LINGO2: variants seen among roughly 807,000 people sequenced by gnomAD.
LINGO2 encodes the protein leucine rich repeat and Ig domain containing 2.
A neutral mutation model predicts 30.6 loss-of-function variants in LINGO2; 14 were observed. The observed-to-expected ratio is 0.46, with a 90% CI of 0.30 to 0.72. The LOEUF is 0.72. Among genes scored for constraint, LINGO2 ranks in the 30% least tolerant of loss-of-function variants. The probability of loss-of-function intolerance (pLI) is 0.07; values close to 1 mark genes in which losing one functional copy is unlikely to be tolerated. For missense variants in LINGO2, 729 were observed against 751.7 expected, an observed-to-expected ratio of 0.97 and a Z score of 0.35; for synonymous variants, 317 against 288.5, an observed-to-expected ratio of 1.10 and a Z score of -1.00.
chr9:28,328,883 T>C (rs1396537115), intron 3 of LINGO2, among the ~76,000 whole-genome samples: 3 of 152,182 alleles, frequency 2.0e-5, no homozygotes, highest in Admixed American at 6.5e-5. Flanking sequence ...AGATTTATTG[T>C]TGAAAGACAA....
At chr9:28,609,559 A>G (rs1825828421) in intron 1 of LINGO2, among the ~76,000 whole-genome samples, 1 of 152,066 alleles carries the variant, frequency 6.6e-6, no homozygotes. Context: ...ATGCAATGCT[A>G]TCTTCACATA....
intron 4 of LINGO2, among the ~76,000 whole-genome samples, chr9:28,050,369 G>T (rs1050682480): frequency 1.2e-4 from 18 of 150,644 alleles, no homozygotes; most frequent in African/African-American, 4.4e-4. Flanking sequence ...AGTCTTGACA[G>T]CAAAATATTT....
chr9:28,146,783 C>G (rs1272560692), intron 4 of LINGO2, among the ~76,000 whole-genome samples: 1 of 152,132 alleles, frequency 6.6e-6, no homozygotes, highest in Non-Finnish European at 1.5e-5. Flanking sequence ...CTCACAATGA[C>G]CAAATTATGT....
intron 5 of LINGO2, among the ~76,000 whole-genome samples, chr9:27,987,918 T>C (rs1821201724): frequency 6.6e-6 from 1 of 152,072 alleles, no homozygotes; most frequent in African/African-American, 2.4e-5. Context: ...GTTTGTTACA[T>C]ATGCATAATG....
chr9:28,885,360 T>TACACACACACAC, the LINGO2 span, among the ~76,000 whole-genome samples: 4 of 144,162 alleles, frequency 2.8e-5, no homozygotes, highest in Admixed American at 1.4e-4. Context: ...TATATATATA[T>TACACACACACAC]ACACACACAC....
At chr9:28,587,777 G>A (rs1316121426) in intron 1 of LINGO2, among the ~76,000 whole-genome samples, 2 of 151,904 alleles carry the variant, frequency 1.3e-5, no homozygotes, top group Non-Finnish European at 2.9e-5. Context: ...AGTAGGTACC[G>A]GCTTCAGAGT....
At chr9:29,036,924 ATTAG>A in the LINGO2 span, among the ~76,000 whole-genome samples, 3 of 152,010 alleles carry the variant, frequency 2.0e-5, no homozygotes, top group African/African-American at 4.8e-5. Context: ...TAATTGAAAA[ATTAG>A]TTATTAAGGT....
intron 1 of LINGO2, among the ~76,000 whole-genome samples, chr9:28,633,847 T>C (rs1026240728): frequency 6.6e-6 from 1 of 152,222 alleles, no homozygotes; most frequent in Non-Finnish European, 1.5e-5. Context: ...AGTCAATGAA[T>C]ATTTCTTGAA....
chr9:28,179,446 TAC>T (rs1436868918), intron 4 of LINGO2, among the ~76,000 whole-genome samples: 14 of 138,454 alleles, frequency 1.0e-4, no homozygotes, highest in African/African-American at 3.4e-4. Context: ...ATATATAGTA[TAC>T]ATATACTATA....
chr9:28,852,611 C>G, the LINGO2 span, among the ~76,000 whole-genome samples: 3 of 152,034 alleles, frequency 2.0e-5, no homozygotes, highest in Admixed American at 6.6e-5. Flanking sequence ...TTCAAGATAA[C>G]AGCTTAGATA....
chr9:29,085,342 T>C, the LINGO2 span, among the ~76,000 whole-genome samples: 1 of 140,002 alleles, frequency 7.1e-6, no homozygotes, highest in East Asian at 2.0e-4. Flanking sequence ...AATTTCTAGA[T>C]GTTTGCTGTC....
intron 5 of LINGO2, among the ~76,000 whole-genome samples, chr9:27,997,647 G>A (rs1299964298): frequency 3.3e-5 from 5 of 152,162 alleles, no homozygotes; most frequent in African/African-American, 7.2e-5. Flanking sequence ...GCTTTTATGA[G>A]TTTGCACTCT....
At chr9:28,879,745 C>T in the LINGO2 span, among the ~76,000 whole-genome samples, 2 of 152,102 alleles carry the variant, frequency 1.3e-5, no homozygotes, top group Admixed American at 1.3e-4. Context: ...TTAACATCAC[C>T]ACTGTGAGTA....
chr9:28,840,516 TG>T, the LINGO2 span, among the ~76,000 whole-genome samples: 1 of 151,886 alleles, frequency 6.6e-6, no homozygotes, highest in Admixed American at 6.5e-5. Context: ...CTTCTACTCT[TG>T]CCCCTCTCCA....
chr9:29,209,058 T>C, the LINGO2 span, among the ~76,000 whole-genome samples: 2 of 152,130 alleles, frequency 1.3e-5, no homozygotes, highest in Non-Finnish European at 2.9e-5. Context: ...TGAACCAATA[T>C]ACACTGACAA....
At chr9:28,722,515 C>G in the LINGO2 span, among the ~76,000 whole-genome samples, 22 of 152,108 alleles carry the variant, frequency 1.4e-4, no homozygotes, top group Admixed American at 1.4e-3. Context: ...AGTGGCATTT[C>G]TTTTTACTAA....
chr9:29,187,829 A>G, the LINGO2 span, among the ~76,000 whole-genome samples: 1 of 147,682 alleles, frequency 6.8e-6, no homozygotes, highest in African/African-American at 2.5e-5. Context: ...GAAAGCCAGA[A>G]GGAAACTGGT....
the LINGO2 span, among the ~76,000 whole-genome samples, chr9:28,931,187 ACT>A: frequency 6.6e-6 from 1 of 152,206 alleles, no homozygotes; most frequent in Non-Finnish European, 1.5e-5. Context: ...TTTCAAAATG[ACT>A]CTCAAATATG....
intron 4 of LINGO2, among the ~76,000 whole-genome samples, chr9:28,171,003 G>A (rs1484969718): frequency 6.6e-6 from 1 of 152,142 alleles, no homozygotes; most frequent in African/African-American, 2.4e-5. Context: ...GATGGTTATG[G>A]GCACCATCAT....
Sources: gnomAD v4.1 joint callset for allele counts (sites outside exome capture counted in the v4.1 genomes callset) on GRCh38, gnomAD v4.1.1 for gene constraint, MANE v1.5 for transcripts, NCBI Gene and HGNC (gene_info 2026-07-23, HGNC 2026-07-21) for gene names.